The following NDUFA12 variants were observed in gnomAD, a reference collection of about 807,000 sequenced individuals.
NDUFA12 encodes the protein NADH:ubiquinone oxidoreductase subunit A12, also known as NADH dehydrogenase [ubiquinone] 1 alpha subcomplex subunit 12.
Under a neutral mutation model 20.3 loss-of-function variants are expected in NDUFA12, and 17 were observed. That is an observed-to-expected ratio of 0.84 (90% CI 0.57 to 1.26). The LOEUF (loss-of-function observed/expected upper bound fraction) is 1.26, where lower values mean the gene tolerates loss of function less well. NDUFA12 is among the 50% of genes most tolerant of loss of function. NDUFA12 has a pLI of 0.00. For synonymous variants in NDUFA12, 72 were observed against 63.6 expected, an observed-to-expected ratio of 1.13 and a Z score of -0.63; for missense variants, 191 against 183.7, an observed-to-expected ratio of 1.04 and a Z score of -0.23.
At chr12:94,985,506 A>G (rs1194701790) in intron 3 of NDUFA12, among the ~76,000 whole-genome samples, 1 of 151,138 alleles carries the variant, frequency 6.6e-6, no homozygotes, top group African/African-American at 2.4e-5. Context: ...CAGCGCCTGT[A>G]GTCCCAGCTA....
At chr12:94,984,553 A>T (rs527438574) in intron 3 of NDUFA12, among the ~76,000 whole-genome samples, 1 of 151,760 alleles carries the variant, frequency 6.6e-6, no homozygotes, top group African/African-American at 2.4e-5. Flanking sequence ...AAAGCAACAA[A>T]AAAAAGCAAA....
intron 2 of NDUFA12, among the ~76,000 whole-genome samples, chr12:94,995,195 T>C (rs532014568): frequency 2.6e-4 from 40 of 152,348 alleles, no homozygotes; most frequent in African/African-American, 9.6e-4. Flanking sequence ...CAGGTAAACA[T>C]ATAATCAACA....
chr12:94,999,932 C>T (rs1475017899), intron 2 of NDUFA12, among the ~76,000 whole-genome samples: 1 of 152,196 alleles, frequency 6.6e-6, no homozygotes, highest in African/African-American at 2.4e-5. Context: ...CCTTAAAGAA[C>T]TGAAGGCAGA....
intron 2 of NDUFA12, among the ~76,000 whole-genome samples, chr12:94,996,693 C>G (rs1178805206): frequency 6.6e-6 from 1 of 151,848 alleles, no homozygotes; most frequent in African/African-American, 2.4e-5. Flanking sequence ...ATGGCGCATG[C>G]CTGTAATCCC....
At chr12:94,996,149 A>C (rs1874822945) in intron 2 of NDUFA12, among the ~76,000 whole-genome samples, 1 of 151,176 alleles carries the variant, frequency 6.6e-6, no homozygotes, top group South Asian at 2.1e-4. Context: ...CAGAGGTTGC[A>C]GTGAGCCGAG....
intron 3 of NDUFA12, among the ~76,000 whole-genome samples, chr12:94,975,827 T>C (rs554893554): frequency 4.9e-4 from 75 of 152,110 alleles, no homozygotes; most frequent in Non-Finnish European, 8.4e-4. Context: ...GGTGGGAGGA[T>C]CGCTTGAGGC....
intron 3 of NDUFA12, among the ~76,000 whole-genome samples, chr12:94,980,161 G>C (rs1046720209): frequency 6.6e-6 from 1 of 151,972 alleles, no homozygotes; most frequent in Non-Finnish European, 1.5e-5. Context: ...TTTGACCATT[G>C]TCCTAAGCTC....
chr12:94,974,330 C>T (rs994773468), intron 3 of NDUFA12, among the ~76,000 whole-genome samples: 6 of 151,952 alleles, frequency 3.9e-5, no homozygotes, highest in Non-Finnish European at 8.8e-5. Flanking sequence ...GGCTTTTATA[C>T]AAAAGACAGG....
intron 3 of NDUFA12, among the ~76,000 whole-genome samples, chr12:94,986,026 G>A (rs1834613): frequency 0.89 from 135,162 of 151,594 alleles, 60,520 homozygotes; most frequent in African/African-American, 0.97. Flanking sequence ...CAGAGGTTGC[G>A]GTGAGCTGGG....
intron 3 of NDUFA12, among the ~76,000 whole-genome samples, chr12:94,981,339 T>G (rs1010862520): frequency 6.6e-6 from 1 of 152,120 alleles, no homozygotes; most frequent in African/African-American, 2.4e-5. Flanking sequence ...CCCCAGCTAC[T>G]CCGGGTGCTG....
chr12:94,999,359 A>G (rs769931158), intron 2 of NDUFA12, among the ~76,000 whole-genome samples: 1 of 152,234 alleles, frequency 6.6e-6, no homozygotes, highest in Non-Finnish European at 1.5e-5. Context: ...AGTTAAATCT[A>G]AGACCTGAAA....
intron 3 of NDUFA12, among the ~76,000 whole-genome samples, chr12:94,984,678 A>T (rs12368364): frequency 1.4e-5 from 2 of 141,020 alleles, no homozygotes; most frequent in Non-Finnish European, 3.0e-5. Context: ...AGAATGATGA[A>T]GACTTTTCAA....
chr12:94,978,510 T>C (rs1874132812), intron 3 of NDUFA12, among the ~76,000 whole-genome samples: 1 of 152,156 alleles, frequency 6.6e-6, no homozygotes, highest in Non-Finnish European at 1.5e-5. Flanking sequence ...GCTTGATAGG[T>C]TAATCTGCCT....
In NDUFA12 at chr12:95,002,764, G is replaced by A; in HGVS notation, c.144C>T (p.Tyr48=). 1 of 1,613,952 alleles carries A rather than the reference G, an allele frequency of 6.2e-7. No homozygotes were observed. ...LVGEDKYGNK[Y]YEDNKQFFGR... ...CAAAAAATTGCTTGTTGTCTTCATA[G>A]TATTTGTTTCCATATTTGTCTTCCC... Residue 48 remains tyrosine (Y), a synonymous_variant, in exon 2 of 4, where the codon TAC becomes TAT. Transcript: ENST00000327772.
At chr12:94,998,541 G>A (rs1320007833) in intron 2 of NDUFA12, among the ~76,000 whole-genome samples, 1 of 152,196 alleles carries the variant, frequency 6.6e-6, no homozygotes, top group African/African-American at 2.4e-5. Context: ...AAGTCAAACT[G>A]TCGCTGTTTG....
intron 3 of NDUFA12, among the ~76,000 whole-genome samples, chr12:94,992,303 C>A (rs991372520): frequency 6.6e-6 from 1 of 152,080 alleles, no homozygotes; most frequent in African/African-American, 2.4e-5. Flanking sequence ...ATTTTAGAGA[C>A]CTAAGGAATT....
intron 2 of NDUFA12, among the ~76,000 whole-genome samples, chr12:94,996,663 CA>C (rs1010375548): frequency 2.0e-5 from 3 of 151,102 alleles, no homozygotes; most frequent in Non-Finnish European, 3.0e-5. Context: ...ACTAAAAATA[CA>C]AAAAATTAGC....
rs948391404 is a variant in NDUFA12 at position 94,987,042 on chromosome 12, A to G, written c.257+7128T>C. ...AGTGTCTCCCCACAAAATGCTAATT[A>G]ATTTCAAAGGGAAAATTAGTAACTT... On this transcript the variant is annotated intron_variant, in intron 3 of 3. Coordinates refer to ENST00000327772, the MANE Select transcript of NDUFA12 (RefSeq NM_018838.5). Among the ~76,000 whole-genome samples, 7 of 152,240 alleles carry G rather than the reference A, an allele frequency of 4.6e-5. No homozygotes were observed. In the East Asian group the frequency reaches 1.3e-3, roughly 29 times the overall value.
chr12:94,974,141 T>C (rs1873984726), intron 3 of NDUFA12, among the ~76,000 whole-genome samples: 1 of 151,984 alleles, frequency 6.6e-6, no homozygotes, highest in Non-Finnish European at 1.5e-5. Context: ...CGGGCTAATT[T>C]TTTTATTTTT....
Sources: allele counts gnomAD v4.1 joint callset (sites outside exome capture counted in the v4.1 genomes callset), GRCh38; gene constraint gnomAD v4.1.1; transcripts MANE v1.5; gene names NCBI Gene and HGNC (gene_info 2026-07-23, HGNC 2026-07-21).